The following CMTR1 variants were observed in gnomAD, a reference collection of about 807,000 sequenced individuals.
CMTR1 encodes cap methyltransferase 1, also known as cap-specific mRNA (nucleoside-2'-O-)-methyltransferase 1.
In CMTR1, 39 loss-of-function variants were observed where a neutral mutation model predicts 107.0. The ratio of observed to expected loss-of-function variants is 0.36; its 90% confidence interval spans 0.28 to 0.48. The LOEUF is 0.48. CMTR1 is among the 20% of genes least tolerant of loss of function. CMTR1 has a pLI of 0.99. For missense variants in CMTR1, 672 were observed against 1,064.9 expected (o/e 0.63, Z 5.14); for synonymous variants, 366 against 379.5 (o/e 0.96, Z 0.41).
intron 10 of CMTR1, 76 bp from the exon 11 acceptor site, chr6:37,461,473 G>A: frequency 1.3e-6 from 1 of 748,854 alleles, no homozygotes; most frequent in Non-Finnish European, 2.3e-6. Context: ...AACTCTCGAT[G>A]AAGATGAGGT....
At chr6:37,435,013 C>T (rs143141424) in intron 1 of CMTR1, among the ~76,000 whole-genome samples, 1 of 152,140 alleles carries the variant, frequency 6.6e-6, no homozygotes, top group African/African-American at 2.4e-5. Context: ...ATAACTTTCC[C>T]GCTCTTGTGT....
At position 37,452,200 on chromosome 6, in the gene CMTR1, A is replaced by T. The variant is rs535288999; in HGVS notation, c.609+323A>T. The stretch of plus-strand genomic sequence containing the variant: ...TTAGCATCAGATAGACCAGGATTCA[A>T]ATCCAAGATCTGCAACTCTTTGCTG... On this transcript the variant is annotated intron_variant, in intron 6 of 23. Coordinates refer to ENST00000373451, the MANE Select transcript of CMTR1 (RefSeq NM_015050.3). Among the ~76,000 whole-genome samples the T allele has an allele frequency of 1.1e-4, 16 of 152,296 alleles. No homozygotes were observed. In the East Asian group the frequency reaches 2.9e-3, roughly 28 times the overall value.
At chr6:37,451,560 G>C (rs1377156818) in intron 5 of CMTR1, among the ~76,000 whole-genome samples, 1 of 152,128 alleles carries the variant, frequency 6.6e-6, no homozygotes, top group Non-Finnish European at 1.5e-5. Context: ...CATGAGTCTT[G>C]TGTCCATATG....
intron 3 of CMTR1, 116 bp downstream of exon 3, chr6:37,444,266 A>G: frequency 1.5e-6 from 2 of 1,293,156 alleles, no homozygotes; most frequent in Non-Finnish European, 2.1e-6. Context: ...TTTGCTTTTC[A>G]GCTACTGAAA....
intron 2 of CMTR1, among the ~76,000 whole-genome samples, chr6:37,440,138 G>A (rs995389002): frequency 1.2e-4 from 19 of 152,184 alleles, no homozygotes; most frequent in Non-Finnish European, 2.6e-4. Flanking sequence ...GGGCTCTCTG[G>A]TAGGTTTTAG....
chr6:37,471,579 C>A (rs558295505), intron 14 of CMTR1, among the ~76,000 whole-genome samples: 89 of 152,282 alleles, frequency 5.8e-4, no homozygotes, highest in African/African-American at 2.0e-3. Context: ...AGGACCCTGG[C>A]ATCCAGGTCG....
In CMTR1 at chr6:37,471,094, T is replaced by C. The variant is rs778146972; in HGVS notation, c.1562+17T>C. On this transcript the variant is annotated intron_variant, in intron 14 of 23. Transcript: ENST00000373451. Reference sequence around the variant, plus strand: ...TCAAGACACGTGAGTGTTGCCCACTTTTCAGAAACCACCTATTTCAAGGGA... The same window carrying C: ...TCAAGACACGTGAGTGTTGCCCACTCTTCAGAAACCACCTATTTCAAGGGA... 1 of 1,578,866 alleles carries C rather than the reference T, an allele frequency of 6.3e-7. No homozygotes were observed. Among genetic ancestry groups the C allele is most frequent in the Non-Finnish European group, 8.6e-7 (1 of 1,162,160 alleles).
upstream of CMTR1, among the ~76,000 whole-genome samples, chr6:37,429,206 A>G (rs1430730019): frequency 6.6e-6 from 1 of 151,970 alleles, no homozygotes; most frequent in African/African-American, 2.4e-5. Flanking sequence ...ATCTAGTGAA[A>G]TTTTTGTTTT....
Position 37,476,202 on chromosome 6 carries a change from T to A in CMTR1, c.2105+8T>A. 6.2e-7 allele frequency: 1 copy of A among 1,613,954 alleles called. No homozygotes were observed. The highest frequency in any genetic ancestry group is 2.2e-5 in the East Asian group (1 of 44,872). ...CGACATGAATCCCATCAGGTGAGCA[T>A]GTGGTCCCTACCCTCCATGCTTCTT... On this transcript the variant is annotated splice_region_variant and intron_variant, in intron 20 of 23. Coordinates refer to ENST00000373451, the MANE Select transcript of CMTR1 (RefSeq NM_015050.3).
intron 17 of CMTR1, among the ~76,000 whole-genome samples, chr6:37,473,966 T>A (rs914498382): frequency 6.6e-6 from 1 of 152,176 alleles, no homozygotes; most frequent in African/African-American, 2.4e-5. Context: ...TCCCCTGTCT[T>A]GCAAAGATAC....
Position 37,461,566 on chromosome 6 carries a change from G to T in CMTR1, c.1113G>T (p.Gly371=), listed in dbSNP as rs1334329470. Residue 371 remains glycine (G), a synonymous_variant, in exon 11 of 24, where the codon GGG becomes GGT. Transcript: ENST00000373451. ...CATTTCAGGGTTTCTCGGTGGAGGGGCAGGAGAACCTGCAGGAGATCCTCA... is the reference window on the plus strand; with the variant it reads ...CATTTCAGGGTTTCTCGGTGGAGGGTCAGGAGAACCTGCAGGAGATCCTCA... ...LMADGGFSVE[G]QENLQEILSK... 4 of 1,598,994 alleles carry T rather than the reference G, an allele frequency of 2.5e-6. No homozygotes were observed. The highest frequency in any genetic ancestry group is 3.4e-6 in the Non-Finnish European group (4 of 1,171,822).
intron 8 of CMTR1, among the ~76,000 whole-genome samples, chr6:37,454,374 T>C (rs929206347): frequency 7.2e-5 from 11 of 152,210 alleles, no homozygotes; most frequent in Non-Finnish European, 2.9e-5. Context: ...CACTCCCAGG[T>C]CTCCCTTCCC....
intron 21 of CMTR1, among the ~76,000 whole-genome samples, chr6:37,478,138 A>G (rs978799273): frequency 5.9e-5 from 9 of 152,060 alleles, no homozygotes; most frequent in African/African-American, 2.2e-4. Flanking sequence ...GTGGTGTCAG[A>G]TCTCACCCTT....
intron 23 of CMTR1, 98 bp from the exon 24 acceptor site, chr6:37,479,915 G>A: frequency 8.2e-7 from 1 of 1,215,530 alleles, no homozygotes; most frequent in Non-Finnish European, 1.1e-6. Context: ...CTCAACTAAA[G>A]TCATTGACAG....
At chr6:37,467,255 A>C (rs1761528993) in intron 13 of CMTR1, among the ~76,000 whole-genome samples, 1 of 152,074 alleles carries the variant, frequency 6.6e-6, no homozygotes. Flanking sequence ...ATTTTTCCTT[A>C]TGATTTGTTC....
At chr6:37,471,696 A>G (rs1159507932) in intron 14 of CMTR1, 151 bp from the exon 15 acceptor site, 11 of 595,358 alleles carry the variant, frequency 1.8e-5, no homozygotes, top group Non-Finnish European at 1.5e-5. Flanking sequence ...CATGTGTTGT[A>G]ATCACGCTGG....
intron 19 of CMTR1, chr6:37,475,642 C>G (rs1339527935): frequency 3.4e-6 from 2 of 581,040 alleles, no homozygotes; most frequent in Non-Finnish European, 6.2e-6. Context: ...CCAGCACACT[C>G]CATTTTGCCA....
chr6:37,431,479 A>T (rs1421265703), upstream of CMTR1, among the ~76,000 whole-genome samples: 1 of 152,310 alleles, frequency 6.6e-6, no homozygotes, highest in Admixed American at 6.5e-5. Context: ...GATTCAGTAA[A>T]TATCTATTGA....
At chr6:37,431,630 G>T (rs1771375251), upstream of CMTR1, among the ~76,000 whole-genome samples, 1 of 152,170 alleles carries the variant, frequency 6.6e-6, no homozygotes, top group Non-Finnish European at 1.5e-5. Flanking sequence ...CTTTGATAGT[G>T]GAAGGACAGA....
Sources: allele counts gnomAD v4.1 joint callset (sites outside exome capture counted in the v4.1 genomes callset), GRCh38; gene constraint gnomAD v4.1.1; transcripts MANE v1.5; gene names NCBI Gene and HGNC (gene_info 2026-07-23, HGNC 2026-07-21).